The following CSGALNACT1 variants were observed in gnomAD, a reference collection of about 807,000 sequenced individuals.
CSGALNACT1 encodes chondroitin sulfate N-acetylgalactosaminyltransferase 1.
CSGALNACT1 carries 52 observed loss-of-function variants against 51.0 expected under a neutral mutation model. The observed-to-expected ratio is 1.02, with a 90% CI of 0.82 to 1.29. The LOEUF (loss-of-function observed/expected upper bound fraction) is 1.29. Among genes scored for constraint, CSGALNACT1 ranks in the 50% most tolerant of loss-of-function variants. The pLI, the probability that CSGALNACT1 is intolerant of heterozygous loss-of-function variation, is 0.00. For synonymous variants in CSGALNACT1, 341 were observed against 254.4 expected (o/e 1.34, Z -3.24); for missense variants, 935 against 679.2 (o/e 1.38, Z -4.19).
intron 1 of CSGALNACT1, among the ~76,000 whole-genome samples, chr8:19,658,054 C>T (rs1241001703): frequency 4.1e-5 from 5 of 121,888 alleles, no homozygotes; most frequent in African/African-American, 1.6e-4. Context: ...GCCCTCTCAC[C>T]CTCCTTCCAA....
chr8:19,525,759 A>G (rs1010870628), intron 3 of CSGALNACT1, among the ~76,000 whole-genome samples: 2 of 151,952 alleles, frequency 1.3e-5, no homozygotes, highest in Non-Finnish European at 2.9e-5. Flanking sequence ...CATTTGAGGT[A>G]CATGAATGTC....
chr8:19,560,907 T>A (rs2040555226), intron 3 of CSGALNACT1, among the ~76,000 whole-genome samples: 1 of 152,158 alleles, frequency 6.6e-6, no homozygotes, highest in African/African-American at 2.4e-5. Flanking sequence ...CTAAGGTGGA[T>A]AAACACACTC....
chr8:19,719,285 G>A (rs932016471), intron 1 of CSGALNACT1, among the ~76,000 whole-genome samples: 1 of 152,190 alleles, frequency 6.6e-6, no homozygotes, highest in Non-Finnish European at 1.5e-5. Flanking sequence ...GAAAGTGAGT[G>A]AGAAAAAGCT....
At chr8:19,594,947 G>A (rs1015813471) in intron 2 of CSGALNACT1, among the ~76,000 whole-genome samples, 10 of 152,074 alleles carry the variant, frequency 6.6e-5, no homozygotes, top group East Asian at 5.8e-4. Flanking sequence ...CTATTCACAC[G>A]TGTTATAAAG....
chr8:19,651,597 G>T (rs1564351369), intron 1 of CSGALNACT1, among the ~76,000 whole-genome samples: 1 of 151,610 alleles, frequency 6.6e-6, no homozygotes, highest in African/African-American at 2.4e-5. Flanking sequence ...ATAGGATTTT[G>T]TTTTTTTTAT....
chr8:19,687,446 T>C (rs2061039736), upstream of CSGALNACT1, among the ~76,000 whole-genome samples: 1 of 152,100 alleles, frequency 6.6e-6, no homozygotes, highest in South Asian at 2.1e-4. Flanking sequence ...CACAACAATC[T>C]CAATGTACAA....
At chr8:19,609,100 A>C (rs2051816908) in intron 1 of CSGALNACT1, among the ~76,000 whole-genome samples, 1 of 152,080 alleles carries the variant, frequency 6.6e-6, no homozygotes. Flanking sequence ...TTTCACCATG[A>C]AAATGAAAAC....
chr8:19,665,157 G>T (rs1249463849), intron 1 of CSGALNACT1, among the ~76,000 whole-genome samples: 1 of 152,170 alleles, frequency 6.6e-6, no homozygotes, highest in African/African-American at 2.4e-5. Flanking sequence ...GGGATTACAG[G>T]CATGTGCCAC....
At chr8:19,636,546 T>C (rs2056091979) in intron 1 of CSGALNACT1, among the ~76,000 whole-genome samples, 1 of 152,210 alleles carries the variant, frequency 6.6e-6, no homozygotes, top group African/African-American at 2.4e-5. Flanking sequence ...TATGCTGCTC[T>C]GTCTCTGAAA....
rs753112856 is a variant in CSGALNACT1 at position 19,458,605 on chromosome 8, A to C, written c.672T>G (p.Tyr224Ter). Reference sequence around the variant, plus strand: ...TGTGGTCCCCTTTGAAGGTGAGCTCATACAATGTCCCTTTGTCCCTTTCTG... The same window carrying C: ...TGTGGTCCCCTTTGAAGGTGAGCTCCTACAATGTCCCTTTGTCCCTTTCTG... Residue 224 changes from tyrosine (Y) to a stop codon, truncating the protein, a stop_gained, in exon 5 of 10, where the codon TAT (tyrosine) becomes TAG (stop). Transcript: ENST00000454498. LOFTEE classifies it high-confidence loss of function. 2.5e-6 allele frequency: 4 copies of C among 1,614,214 alleles called. No homozygotes were observed. The highest frequency in any genetic ancestry group is 1.1e-5 in the South Asian group (1 of 91,084).
At chr8:19,543,393 G>T (rs1416751564) in intron 3 of CSGALNACT1, among the ~76,000 whole-genome samples, 1 of 152,138 alleles carries the variant, frequency 6.6e-6, no homozygotes, top group Non-Finnish European at 1.5e-5. Flanking sequence ...CTGGGAACGG[G>T]GCTTGTAAAA....
chr8:19,420,749 T>C (rs1465295836), intron 6 of CSGALNACT1, among the ~76,000 whole-genome samples: 1 of 152,234 alleles, frequency 6.6e-6, no homozygotes, highest in Non-Finnish European at 1.5e-5. Flanking sequence ...TCCTTGTTTC[T>C]CTGGCAGTTT....
chr8:19,429,400 C>T lies in CSGALNACT1; in HGVS notation c.954-8882G>A, dbSNP rs185479272. Among the ~76,000 whole-genome samples, 190 of 152,318 alleles carry T rather than the reference C, an allele frequency of 1.2e-3. 1 individual carries two copies. Among genetic ancestry groups the T allele is most frequent in the African/African-American group, 4.2e-3 (173 of 41,566 alleles). On this transcript the variant is annotated intron_variant, in intron 6 of 9. Coordinates refer to ENST00000454498, the Ensembl canonical transcript of CSGALNACT1. ...CCATGTTGGCCAGGCTGGTCTCAAA[C>T]GCCTGACCTCAGGTGATCTGCCTGC...
intron 1 of CSGALNACT1, among the ~76,000 whole-genome samples, chr8:19,703,695 A>C (rs573615866): frequency 3.3e-5 from 5 of 152,350 alleles, no homozygotes; most frequent in Non-Finnish European, 5.9e-5. Context: ...AGTAAAACAA[A>C]GTTTAATCAA....
At chr8:19,553,772 A>C (rs2088913660) in intron 3 of CSGALNACT1, among the ~76,000 whole-genome samples, 1 of 151,550 alleles carries the variant, frequency 6.6e-6, no homozygotes, top group Non-Finnish European at 1.5e-5. Flanking sequence ...AGATAATAGA[A>C]AGGTCAAAGG....
chr8:19,697,469 G>A (rs1423839847), intron 1 of CSGALNACT1, among the ~76,000 whole-genome samples: 1 of 152,180 alleles, frequency 6.6e-6, no homozygotes, highest in Non-Finnish European at 1.5e-5. Flanking sequence ...TTAGCACCTG[G>A]GGAAAGTCTG....
intron 3 of CSGALNACT1, among the ~76,000 whole-genome samples, chr8:19,517,634 A>G (rs950672774): frequency 1.3e-5 from 2 of 152,166 alleles, no homozygotes; most frequent in African/African-American, 4.8e-5. Flanking sequence ...AGGCCTCACA[A>G]TCATGGCAGA....
intron 3 of CSGALNACT1, among the ~76,000 whole-genome samples, chr8:19,521,582 C>A (rs1290112285): frequency 6.6e-6 from 1 of 152,082 alleles, no homozygotes; most frequent in Non-Finnish European, 1.5e-5. Flanking sequence ...ATTCAGGAGG[C>A]TGAGGCAGGA....
At chr8:19,583,286 G>A (rs1291008604) in intron 3 of CSGALNACT1, among the ~76,000 whole-genome samples, 6 of 152,076 alleles carry the variant, frequency 3.9e-5, no homozygotes, top group African/African-American at 1.2e-4. Flanking sequence ...TTTATCTACA[G>A]TGATAGTACT....
Sources: gnomAD v4.1 joint callset for allele counts (sites outside exome capture counted in the v4.1 genomes callset) on GRCh38, gnomAD v4.1.1 for gene constraint, MANE v1.5 for transcripts, NCBI Gene and HGNC (gene_info 2026-07-23, HGNC 2026-07-21) for gene names.